The following FANCC variants were observed in gnomAD, a reference collection of about 807,000 sequenced individuals.
The protein encoded by FANCC is FA complementation group C.
A neutral mutation model predicts 71.3 loss-of-function variants in FANCC; 55 were observed. The ratio of observed to expected loss-of-function variants is 0.77; its 90% CI spans 0.62 to 0.97. The LOEUF (loss-of-function observed/expected upper bound fraction) is 0.97. FANCC is among the 50% of genes least tolerant of loss of function. The pLI is 0.00. For synonymous variants in FANCC, 275 were observed against 244.9 expected (o/e 1.12, Z -1.15); for missense variants, 678 against 670.9 (o/e 1.01, Z -0.12).
intron 4 of FANCC, among the ~76,000 whole-genome samples, chr9:95,187,028 C>T (rs979097137): frequency 1.5e-4 from 23 of 152,116 alleles, no homozygotes; most frequent in Non-Finnish European, 2.8e-4. Flanking sequence ...GTGCCTTGAC[C>T]TCCCAAAGTG....
intron 14 of FANCC, among the ~76,000 whole-genome samples, chr9:95,103,515 G>A (rs933586836): frequency 1.3e-5 from 2 of 152,218 alleles, no homozygotes; most frequent in Non-Finnish European, 2.9e-5. Context: ...TGGAGCCCCA[G>A]GGGTGGACTC....
intron 6 of FANCC, among the ~76,000 whole-genome samples, chr9:95,161,933 C>T (rs968111030): frequency 2.0e-5 from 3 of 151,872 alleles, no homozygotes; most frequent in Non-Finnish European, 4.4e-5. Context: ...CCTCCGCTTC[C>T]CAGGTTCAAG....
chr9:95,199,969 T>C (rs952706152), intron 4 of FANCC, among the ~76,000 whole-genome samples: 6 of 152,236 alleles, frequency 3.9e-5, no homozygotes, highest in Admixed American at 3.9e-4. Context: ...AGTTAGTAGC[T>C]ATCTGCTCCA....
intron 1 of FANCC, among the ~76,000 whole-genome samples, chr9:95,311,707 ATCTGTGTG>A: frequency 1.1e-5 from 1 of 93,938 alleles, no homozygotes; most frequent in East Asian, 3.2e-4. Flanking sequence ...TCTCCTCTGA[ATCTGTGTG>A]TGTGTGTGTG....
At chr9:95,124,176 G>C (rs76116782) in intron 10 of FANCC, among the ~76,000 whole-genome samples, 3,215 of 151,798 alleles carry the variant, frequency 0.021, 117 homozygotes, top group African/African-American at 0.074. Context: ...ACGTTGGCGG[G>C]GGGTGTGATC....
At chr9:95,241,525 G>C (rs1016867662) in intron 3 of FANCC, among the ~76,000 whole-genome samples, 4 of 152,150 alleles carry the variant, frequency 2.6e-5, no homozygotes, top group Admixed American at 2.0e-4. Context: ...ATGGGGCCTA[G>C]AAACTGAAGA....
chr9:95,298,118 G>A (rs1227031680), intron 1 of FANCC, among the ~76,000 whole-genome samples: 2 of 152,118 alleles, frequency 1.3e-5, no homozygotes, highest in African/African-American at 4.8e-5. Flanking sequence ...CCATCTTACA[G>A]TAACTGAGGC....
intron 1 of FANCC, among the ~76,000 whole-genome samples, chr9:95,261,582 T>A (rs1247915904): frequency 1.3e-5 from 2 of 152,264 alleles, no homozygotes; most frequent in Non-Finnish European, 2.9e-5. Flanking sequence ...TTCCATTTCT[T>A]GCATAATGTA....
chr9:95,247,442 A>G lies in FANCC; in HGVS notation c.240T>C (p.Ile80=), dbSNP rs1554857813. The change falls in exon 3 of 15, where the codon ATT becomes ATC. Residue 80 remains isoleucine (I), a synonymous_variant. Transcript: ENST00000289081. ...LLAKACWNPF[I]LAYDESQKIL... The stretch of plus-strand genomic sequence containing the variant: ...GTTTTTGATTCTTACCATATGCTAA[A>G]ATAAAAGGATTCCAACAAGCTTTTG... The G allele has an allele frequency of 6.2e-7, 1 of 1,612,774 alleles. No individual in the cohort carries two copies. Among genetic ancestry groups the G allele is most frequent in the Non-Finnish European group, 8.5e-7 (1 of 1,178,844 alleles).
In FANCC at chr9:95,160,023, T is replaced by G. The variant is rs183444911; in HGVS notation, c.522-9936A>C. On this transcript the variant is annotated intron_variant, in intron 6 of 14. Transcript: ENST00000289081. ...GTTTCTTTTGCTGTGCAGAAGCTCT[T>G]TAGTTTAATTAGATCCCATTTGTCT... Among the ~76,000 whole-genome samples the G allele has an allele frequency of 1.8e-4, 27 of 152,316 alleles. No homozygotes were observed. In the East Asian group the frequency reaches 5.0e-3, roughly 28 times the overall value.
At chr9:95,266,207 C>G (rs540978950) in intron 1 of FANCC, among the ~76,000 whole-genome samples, 1 of 152,264 alleles carries the variant, frequency 6.6e-6, no homozygotes. Context: ...CAAACATAAA[C>G]CAGTAAAACC....
At chr9:95,293,880 T>A in intron 1 of FANCC, 1 of 1,606,102 alleles carries the variant, frequency 6.2e-7, no homozygotes, top group Non-Finnish European at 8.5e-7. Flanking sequence ...AGCTGGAATG[T>A]GCAGAGACAT....
chr9:95,106,123 G>A (rs768435835), intron 14 of FANCC, among the ~76,000 whole-genome samples: 1 of 152,098 alleles, frequency 6.6e-6, no homozygotes, highest in Non-Finnish European at 1.5e-5. Flanking sequence ...GCATCCTCAC[G>A]GGCGTTTCTT....
chr9:95,220,915 A>C (rs1829215563), intron 4 of FANCC, among the ~76,000 whole-genome samples: 1 of 152,060 alleles, frequency 6.6e-6, no homozygotes, highest in South Asian at 2.1e-4. Flanking sequence ...TACAGGTTTG[A>C]ACTTACTAGA....
At chr9:95,119,770 G>A (rs918614813) in intron 10 of FANCC, among the ~76,000 whole-genome samples, 6 of 152,162 alleles carry the variant, frequency 3.9e-5, no homozygotes, top group African/African-American at 1.4e-4. Flanking sequence ...GGAGTGCAGT[G>A]GCATGATCAC....
intron 4 of FANCC, among the ~76,000 whole-genome samples, chr9:95,204,527 G>A (rs1827999653): frequency 6.6e-6 from 1 of 152,108 alleles, no homozygotes. Flanking sequence ...GGTTGGCCTT[G>A]GTGTCTTAAT....
chr9:95,271,977 C>T (rs1047233996), intron 1 of FANCC, among the ~76,000 whole-genome samples: 1 of 108,440 alleles, frequency 9.2e-6, no homozygotes, highest in East Asian at 3.0e-4. Flanking sequence ...CGCTCTGTCG[C>T]CCAGGCTGGA....
intron 1 of FANCC, among the ~76,000 whole-genome samples, chr9:95,283,396 T>C (rs954033595): frequency 6.6e-6 from 1 of 152,196 alleles, no homozygotes; most frequent in South Asian, 2.1e-4. Context: ...CTCCAAAACA[T>C]TTAGCCTGCC....
intron 4 of FANCC, among the ~76,000 whole-genome samples, chr9:95,218,275 G>T (rs1694646535): frequency 6.6e-6 from 1 of 152,088 alleles, no homozygotes; most frequent in South Asian, 2.1e-4. Context: ...GACTAGCCTG[G>T]GCAACACAGG....
Sources: allele counts gnomAD v4.1 joint callset (sites outside exome capture counted in the v4.1 genomes callset), GRCh38; gene constraint gnomAD v4.1.1; transcripts MANE v1.5; gene names NCBI Gene and HGNC (gene_info 2026-07-23, HGNC 2026-07-21).